IQSEC2: variants seen among roughly 807,000 people sequenced by gnomAD.
IQSEC2 encodes the protein IQ motif and Sec7 domain ArfGEF 2.
A neutral mutation model predicts 74.6 loss-of-function variants in IQSEC2; 6 were observed. The observed-to-expected ratio is 0.08, with a 90% confidence interval of 0.04 to 0.16. IQSEC2 has a LOEUF of 0.16. Among genes scored for constraint, IQSEC2 ranks in the 10% least tolerant of loss-of-function variants. IQSEC2 has a pLI of 1.00. For synonymous variants in IQSEC2, 494 were observed against 544.5 expected (o/e 0.91, Z 1.29); for missense variants, 734 against 1,306.2 (o/e 0.56, Z 6.75).
chrX:53,228,272 G>C (rs187360395), downstream of IQSEC2, among the ~76,000 whole-genome samples: 143 of 111,958 alleles, frequency 1.3e-3, 1 homozygote, highest in Middle Eastern at 4.6e-3. Flanking sequence ...TAAGTGGCAG[G>C]ACCAGAACTC....
chrX:53,272,410 G>A (rs1409614927), intron 2 of IQSEC2, among the ~76,000 whole-genome samples: 1 of 112,074 alleles, frequency 8.9e-6, no homozygotes, highest in East Asian at 2.8e-4. Context: ...ATCTGAATGA[G>A]CTCAGCTCAT....
Position 53,295,378 on chromosome X carries a change from G to A in IQSEC2, c.708-3454C>T, listed in dbSNP as rs904725548. Among the ~76,000 whole-genome samples the A allele has an allele frequency of 3.6e-5, 4 of 110,720 alleles. No individual in the cohort carries two copies. The East Asian group carries it at 1.1e-3, about 32-fold the overall frequency. On this transcript the variant is annotated intron_variant, in intron 1 of 14. Coordinates refer to ENST00000642864, the MANE Select transcript of IQSEC2 (RefSeq NM_001111125.3). ...CCAGCACTTTGGGAGGCCGAGGCGG[G>A]CAGATCACAAGGTCAGGAGATCGAA...
intron 2 of IQSEC2, among the ~76,000 whole-genome samples, chrX:53,269,949 C>T (rs181603169): frequency 2.5e-4 from 28 of 110,563 alleles, no homozygotes; most frequent in African/African-American, 7.2e-4. Context: ...TCCTTCCCTA[C>T]GCGTTGGTTT....
chrX:53,292,772 C>T (rs782719773), intron 1 of IQSEC2, among the ~76,000 whole-genome samples: 1 of 111,472 alleles, frequency 9.0e-6, no homozygotes, highest in African/African-American at 3.3e-5. Flanking sequence ...AGTGCACACA[C>T]GTGTGTACAC....
downstream of IQSEC2, among the ~76,000 whole-genome samples, chrX:53,232,147 T>C (rs1197331614): frequency 8.9e-6 from 1 of 111,884 alleles, no homozygotes; most frequent in Non-Finnish European, 1.9e-5. Flanking sequence ...GAAAGGGCCC[T>C]GGGGCTAGAA....
intron 1 of IQSEC2, among the ~76,000 whole-genome samples, chrX:53,314,632 A>AG (rs1410376749): frequency 8.9e-6 from 1 of 111,800 alleles, no homozygotes; most frequent in Non-Finnish European, 1.9e-5. Context: ...TGGGCTAACC[A>AG]GGGGGGCACA....
intron 9 of IQSEC2, 58 bp downstream of exon 9, chrX:53,243,274 C>G: frequency 2.8e-6 from 3 of 1,055,492 alleles, no homozygotes; most frequent in South Asian, 4.0e-5. Flanking sequence ...TGACTTACCA[C>G]TTAGTGGCAG....
At position 53,236,340 on chromosome X, in the gene IQSEC2, G is replaced by T. The variant is rs1556859652; in HGVS notation, c.3433C>A (p.Arg1145=). 1.7e-6 allele frequency: 2 copies of T among 1,209,147 alleles called. No individual in the cohort carries two copies. Among genetic ancestry groups the T allele is most frequent in the East Asian group, 3.0e-5 (1 of 33,714 alleles). The change falls in exon 13 of 15, where the codon CGA becomes AGA. Residue 1145 remains arginine, a synonymous_variant. Transcript: ENST00000642864. ...LKRGALSSSL[R]DLSDAGKRGR... ...GGCTTACCTGCATCAGAGAGGTCTC[G>T]CAGGGAACTGCTGAGTGCGCCCCGT...
In IQSEC2 at chrX:53,238,302, G is replaced by A. The variant is rs1556860196; in HGVS notation, c.3120C>T (p.Tyr1040=). ...CAGACAGCAACTTGATCCCAAACTG[G>A]TAATCTGTGGAGAAAGGGGAGACTG... The part of the protein sequence containing the change: ...MHMQLFQNSY[Y]QFGIKLLSAV... Residue 1040 remains tyrosine (Y), a synonymous_variant, in exon 12 of 15, where the codon TAC becomes TAT. Coordinates refer to ENST00000642864, the MANE Select transcript of IQSEC2 (RefSeq NM_001111125.3). 8.3e-7 allele frequency: 1 copy of A among 1,211,134 alleles called. No homozygotes were observed. The highest frequency in any genetic ancestry group is 1.1e-6 in the Non-Finnish European group (1 of 894,919).
rs782432830 is a variant in IQSEC2, at chrX:53,246,100, G to C, written c.2749+869C>G. ...TGGTCTGGAACTCCTGGCCTCATGG[G>C]ATCCACCTGCCTCAGCCTCACAAAG... On this transcript the variant is annotated intron_variant, in intron 8 of 14. Transcript: ENST00000642864. 1.4e-3 allele frequency among the ~76,000 whole-genome samples: 152 copies of C among 110,951 alleles called. 1 individual carries two copies. Among genetic ancestry groups the C allele is most frequent in the Non-Finnish European group, 2.3e-3 (124 of 52,951 alleles).
intron 2 of IQSEC2, among the ~76,000 whole-genome samples, chrX:53,280,479 G>A (rs1377968941): frequency 2.7e-5 from 3 of 110,974 alleles, no homozygotes; most frequent in African/African-American, 9.9e-5. Flanking sequence ...CAGAGCAGAG[G>A]AGGGTGAGGG....
chrX:53,242,226 G>A (rs1040944806), intron 9 of IQSEC2, among the ~76,000 whole-genome samples: 3 of 109,740 alleles, frequency 2.7e-5, no homozygotes, highest in Non-Finnish European at 5.7e-5. Context: ...TTGAGGTCAG[G>A]AGTTCGAGAT....
At chrX:53,292,438 A>G (rs1461383249) in intron 1 of IQSEC2, among the ~76,000 whole-genome samples, 2 of 111,888 alleles carry the variant, frequency 1.8e-5, no homozygotes, top group East Asian at 2.8e-4. Flanking sequence ...CTGTTGGGAT[A>G]ATTCAGCCCT....
chrX:53,266,527 T>A (rs1295556258), intron 2 of IQSEC2: 11 of 756,578 alleles, frequency 1.5e-5, no homozygotes, highest in African/African-American at 2.3e-5. Flanking sequence ...GGCTGGGTCC[T>A]GCCCCCGTCT....
chrX:53,304,227 C>T (rs1243189889), intron 1 of IQSEC2, among the ~76,000 whole-genome samples: 6 of 110,869 alleles, frequency 5.4e-5, no homozygotes, highest in African/African-American at 2.0e-4. Context: ...AAAAGTATAG[C>T]GAACAGGTGG....
chrX:53,259,433 A>T (rs1445615346), intron 2 of IQSEC2, among the ~76,000 whole-genome samples: 3 of 109,207 alleles, frequency 2.7e-5, no homozygotes, highest in African/African-American at 1.0e-4. Flanking sequence ...TGAACCCGGG[A>T]GGTGGAGGCT....
intron 2 of IQSEC2, 84 bp downstream of exon 2, chrX:53,291,811 T>C: frequency 3.4e-6 from 3 of 892,414 alleles, no homozygotes; most frequent in East Asian, 3.6e-5. Context: ...CCCTTGCCCA[T>C]GGATCCTGCA....
At chrX:53,280,951 G>C (rs2074949357) in intron 2 of IQSEC2, among the ~76,000 whole-genome samples, 1 of 112,637 alleles carries the variant, frequency 8.9e-6, no homozygotes. Flanking sequence ...GTAAAAGCCA[G>C]GAGACATGGC....
chrX:53,284,881 C>T (rs1346445225), intron 2 of IQSEC2, among the ~76,000 whole-genome samples: 1 of 111,506 alleles, frequency 9.0e-6, no homozygotes, highest in African/African-American at 3.3e-5. Flanking sequence ...GGCTCCCAGG[C>T]CCACAATTGT....
Sources: allele counts gnomAD v4.1 joint callset (sites outside exome capture counted in the v4.1 genomes callset), GRCh38; gene constraint gnomAD v4.1.1; transcripts MANE v1.5; gene names NCBI Gene and HGNC (gene_info 2026-07-23, HGNC 2026-07-21).